Variants in C9orf72 observed in about 807,000 individuals in gnomAD.
C9orf72 encodes guanine nucleotide exchange factor C9orf72.
Under a neutral mutation model 51.6 loss-of-function variants are expected in C9orf72, and 44 were observed. The observed-to-expected ratio is 0.85, with a 90% CI of 0.67 to 1.10. The LOEUF is 1.10. Ranked by LOEUF, C9orf72 falls within the 50% of genes least tolerant of loss-of-function variation. C9orf72 has a pLI of 0.00. For synonymous variants in C9orf72, 213 were observed against 194.2 expected (o/e 1.10, Z -0.81); for missense variants, 607 against 570.6 (o/e 1.06, Z -0.65).
At chr9:27,549,780 A>C (rs1470781183) in intron 9 of C9orf72, among the ~76,000 whole-genome samples, 1 of 151,504 alleles carries the variant, frequency 6.6e-6, no homozygotes, top group Non-Finnish European at 1.5e-5. Context: ...CTTTCTCAAA[A>C]AAAAAAAAAA....
intron 8 of C9orf72, among the ~76,000 whole-genome samples, chr9:27,554,987 A>G (rs1820980533): frequency 6.6e-6 from 1 of 152,228 alleles, no homozygotes; most frequent in South Asian, 2.1e-4. Flanking sequence ...ATACACATAC[A>G]TCCTCTAAAA....
intron 9 of C9orf72, 44 bp from the exon 10 acceptor site, chr9:27,548,710 C>T: frequency 9.0e-7 from 1 of 1,106,404 alleles, no homozygotes; most frequent in Non-Finnish European, 1.4e-6. Flanking sequence ...TGCTCACATT[C>T]TACTCGTACA....
intron 1 of C9orf72, among the ~76,000 whole-genome samples, chr9:27,572,104 T>C (rs547319287): frequency 1.2e-4 from 19 of 152,328 alleles, no homozygotes; most frequent in Admixed American, 6.5e-4. Flanking sequence ...TGAAAGCAAA[T>C]TGTGGAGTGC....
At position 27,565,534 on chromosome 9, in the gene C9orf72, A is replaced by G; in HGVS notation, c.501T>C (p.Asp167=). 6.3e-7 allele frequency: 1 copy of G among 1,596,556 alleles called. No homozygotes were observed. The highest frequency in any genetic ancestry group is 8.6e-7 in the Non-Finnish European group (1 of 1,165,750). ...IILEGTERME[D]QGQSIIPMLT... Reference sequence around the variant, plus strand: ...ACAGTATGCAATTTGCATATACCTGATCTTCCATTCTCTCTGTGCCTTCTA... The same window carrying G: ...ACAGTATGCAATTTGCATATACCTGGTCTTCCATTCTCTCTGTGCCTTCTA... Residue 167 remains aspartate, a synonymous_variant, in exon 3 of 11, where the codon GAT becomes GAC. Transcript: ENST00000380003.
At chr9:27,572,463 CTT>C (rs35095891) in intron 1 of C9orf72, among the ~76,000 whole-genome samples, 45 of 148,028 alleles carry the variant, frequency 3.0e-4, no homozygotes, top group African/African-American at 9.9e-4. Context: ...TTAACAGTAT[CTT>C]TTTTTTTTTT....
intron 1 of C9orf72, among the ~76,000 whole-genome samples, chr9:27,567,678 C>A (rs1255915361): frequency 2.6e-5 from 4 of 152,094 alleles, no homozygotes; most frequent in African/African-American, 9.7e-5. Context: ...GTGACCTTAT[C>A]TAGAAATAAG....
rs760132434 is a variant in C9orf72 at position 27,560,245 on chromosome 9, A to T, written c.720T>A (p.Ser240Arg). The T allele has an allele frequency of 6.2e-7, 1 of 1,608,748 alleles. No homozygotes were observed. The highest frequency in any genetic ancestry group is 8.5e-7 in the Non-Finnish European group (1 of 1,176,852). The change falls in exon 6 of 11, where the codon AGT becomes AGA. Residue 240 changes from serine (S) to arginine (R), a missense_variant. Coordinates refer to ENST00000380003, the MANE Select transcript of C9orf72 (RefSeq NM_018325.5). ...TCGCSVVVGSSAEKVNKIVRT... is the reference protein window; with the variant it reads ...TCGCSVVVGSRAEKVNKIVRT... ...AAACTACCTTATTTACTTTCTCTGC[A>T]CTGCTACCTACTACAACGGAACAGC... is the stretch of plus-strand genomic sequence containing the variant.
At position 27,566,895 on chromosome 9, in the gene C9orf72, C is replaced by G; in HGVS notation, c.226G>C (p.Glu76Gln). Residue 76 changes from glutamate (E) to glutamine (Q), a missense_variant, in exon 2 of 11, where the codon GAG (glutamate) becomes CAG (glutamine). Glu to Gln is a conservative substitution (Grantham distance 29). Coordinates refer to ENST00000380003, the MANE Select transcript of C9orf72 (RefSeq NM_018325.5). Reference sequence around the variant, plus strand: ...AACTTTACATCTATAGCACCACTCTCTGCATTTCGAAGGATTTCTCCATTT... The same window carrying G: ...AACTTTACATCTATAGCACCACTCTGTGCATTTCGAAGGATTTCTCCATTT... ...TLNGEILRNAESGAIDVKFFV... is the reference protein window; with the variant it reads ...TLNGEILRNAQSGAIDVKFFV... 6.2e-7 allele frequency: 1 copy of G among 1,614,012 alleles called. No individual in the cohort carries two copies.
chr9:27,550,046 T>A (rs1820874732), intron 9 of C9orf72, among the ~76,000 whole-genome samples: 1 of 150,616 alleles, frequency 6.6e-6, no homozygotes, highest in African/African-American at 2.4e-5. Context: ...ATAGAGTATA[T>A]GTTATATATT....
At chr9:27,548,464 A>AAAAAG in intron 10 of C9orf72, 42 bp from the exon 11 acceptor site, 1 of 1,228,958 alleles carries the variant, frequency 8.1e-7, no homozygotes, top group Non-Finnish European at 1.1e-6. Flanking sequence ...AAAAAAAAGA[A>AAAAAG]GCGCAAAAAT....
At chr9:27,563,972 G>A (rs1265896951) in intron 3 of C9orf72, among the ~76,000 whole-genome samples, 1 of 151,924 alleles carries the variant, frequency 6.6e-6, no homozygotes, top group East Asian at 1.9e-4. Context: ...AAACAGTATT[G>A]TTCAAAATAA....
chr9:27,565,232 G>T (rs1819439000), intron 3 of C9orf72, among the ~76,000 whole-genome samples: 1 of 151,854 alleles, frequency 6.6e-6, no homozygotes, highest in African/African-American at 2.4e-5. Context: ...GAACATATCA[G>T]AGACAATTTT....
intron 5 of C9orf72, chr9:27,560,706 C>T (rs1236856332): frequency 1.0e-6 from 1 of 987,110 alleles, no homozygotes; most frequent in Non-Finnish European, 1.2e-6. Flanking sequence ...GCCATTAAGG[C>T]TCTTAGGTTA....
Position 27,549,777 on chromosome 9 carries a change from A to G in C9orf72, c.1149+873T>C, listed in dbSNP as rs1385951637. On this transcript the variant is annotated intron_variant, in intron 9 of 10. Transcript: ENST00000380003. ...GGCAAATAAACAACCTCCCTTTCTC[A>G]AAAAAAAAAAAAAAACTTACTTGTT... 2.2e-4 allele frequency among the ~76,000 whole-genome samples: 7 copies of G among 32,276 alleles called. No homozygotes were observed. The Admixed American group carries it at 2.3e-3, about 10-fold the overall frequency. The allele number at this position is 32,276 out of a possible 152,430, so 21.2% of individuals were successfully genotyped here. A position where few individuals can be genotyped will look rare whatever the true frequency, so the allele number is the denominator to read the frequency against.
At chr9:27,558,047 A>T (rs1281853436) in intron 7 of C9orf72, among the ~76,000 whole-genome samples, 2 of 149,686 alleles carry the variant, frequency 1.3e-5, no homozygotes, top group African/African-American at 4.9e-5. Flanking sequence ...GAAAAATACA[A>T]TTTTTTTCTA....
intron 8 of C9orf72, among the ~76,000 whole-genome samples, chr9:27,552,802 T>A (rs1210218098): frequency 1.3e-5 from 2 of 152,184 alleles, no homozygotes; most frequent in Admixed American, 1.3e-4. Context: ...CAACCTTGCA[T>A]CCCAGGGATA....
chr9:27,558,271 C>T (rs1587308847), intron 7 of C9orf72, among the ~76,000 whole-genome samples: 1 of 149,948 alleles, frequency 6.7e-6, no homozygotes. Flanking sequence ...GGAACAGGGA[C>T]CCACCTGGAA....
intron 1 of C9orf72, among the ~76,000 whole-genome samples, chr9:27,572,030 C>A (rs918895457): frequency 2.6e-5 from 4 of 152,202 alleles, no homozygotes; most frequent in Non-Finnish European, 5.9e-5. Context: ...ATCTAATTAA[C>A]GTAGAATAGA....
chr9:27,554,551 T>G (rs1192280643), intron 8 of C9orf72: 1 of 398,232 alleles, frequency 2.5e-6, no homozygotes, highest in Admixed American at 4.4e-5. Context: ...ACCTGGGTAA[T>G]GAAATCACCT....
Sources: gnomAD v4.1 joint callset for allele counts (sites outside exome capture counted in the v4.1 genomes callset) on GRCh38, gnomAD v4.1.1 for gene constraint, MANE v1.5 for transcripts, NCBI Gene and HGNC (gene_info 2026-07-23, HGNC 2026-07-21) for gene names.